The following SCAF4 variants were observed in gnomAD, a reference collection of about 807,000 sequenced individuals.
SCAF4 encodes the protein SR-related CTD associated factor 4.
In SCAF4, 25 loss-of-function variants were observed where a neutral mutation model predicts 129.8. The ratio of observed to expected loss-of-function variants is 0.19; its 90% CI spans 0.14 to 0.27. The LOEUF is 0.27. Among genes scored for constraint, SCAF4 ranks in the 10% least tolerant of loss-of-function variants. SCAF4 has a pLI of 1.00. For missense variants in SCAF4, 1,246 were observed against 1,457.1 expected (o/e 0.86, Z 2.36); for synonymous variants, 551 against 497.7 (o/e 1.11, Z -1.43).
At position 31,731,700 on chromosome 21, in the gene SCAF4, C is replaced by A; in HGVS notation, c.-8G>T. On this transcript the variant is annotated 5_prime_UTR_variant, in exon 1 of 20. Transcript: ENST00000286835. ...GGCGTTGACGGCGTCCATGTTCGCGCTGCGGCGGCGGCTGCTCCGGGCCCG... is the reference window on the plus strand; with the variant it reads ...GGCGTTGACGGCGTCCATGTTCGCGATGCGGCGGCGGCTGCTCCGGGCCCG... The A allele has an allele frequency of 6.3e-7, 1 of 1,582,132 alleles. No homozygotes were observed.
chr21:31,714,786 C>T (rs147543523), intron 1 of SCAF4, among the ~76,000 whole-genome samples: 159 of 152,320 alleles, frequency 1.0e-3, no homozygotes, highest in Non-Finnish European at 1.7e-3. Flanking sequence ...CACCTCACCA[C>T]ATTGTTAGGA....
At chr21:31,706,246 T>G in intron 2 of SCAF4, 28 bp downstream of exon 2, 1 of 1,411,434 alleles carries the variant, frequency 7.1e-7, no homozygotes, top group Admixed American at 2.0e-5. Flanking sequence ...TCAAAAAGAT[T>G]TCTCAAATTG....
intron 19 of SCAF4, among the ~76,000 whole-genome samples, chr21:31,678,325 G>A (rs1019498310): frequency 6.6e-6 from 1 of 152,054 alleles, no homozygotes; most frequent in African/African-American, 2.4e-5. Flanking sequence ...TTCGCATTCC[G>A]TATTTAAGTA....
intron 1 of SCAF4, among the ~76,000 whole-genome samples, chr21:31,708,808 A>C (rs1342081487): frequency 6.6e-6 from 1 of 152,196 alleles, no homozygotes; most frequent in African/African-American, 2.4e-5. Context: ...AACACTTAAG[A>C]CACTGCTATA....
chr21:31,675,883 C>T (rs548222937), intron 19 of SCAF4, among the ~76,000 whole-genome samples: 110 of 152,096 alleles, frequency 7.2e-4, no homozygotes, highest in African/African-American at 2.6e-3. Flanking sequence ...TAAAGGGCTA[C>T]GGGGGAGGTG....
At chr21:31,708,704 T>C (rs1020688767) in intron 1 of SCAF4, among the ~76,000 whole-genome samples, 2 of 152,220 alleles carry the variant, frequency 1.3e-5, no homozygotes, top group Non-Finnish European at 1.5e-5. Flanking sequence ...AACTCTTCAA[T>C]GATTTATGCA....
chr21:31,690,679 G>T, intron 15 of SCAF4, 118 bp downstream of exon 15: 1 of 809,140 alleles, frequency 1.2e-6, no homozygotes. Flanking sequence ...ACTGACACAG[G>T]AGGGATCCTA....
At chr21:31,727,148 G>A (rs892970507) in intron 1 of SCAF4, among the ~76,000 whole-genome samples, 3 of 151,714 alleles carry the variant, frequency 2.0e-5, no homozygotes, top group African/African-American at 7.3e-5. Context: ...GCCCAATCTC[G>A]GTTCACTGCA....
chr21:31,727,386 T>C (rs2051232569), intron 1 of SCAF4, among the ~76,000 whole-genome samples: 1 of 152,216 alleles, frequency 6.6e-6, no homozygotes, highest in Admixed American at 6.5e-5. Flanking sequence ...ACTATTTTTG[T>C]ACTTCAAATG....
intron 19 of SCAF4, among the ~76,000 whole-genome samples, chr21:31,676,919 T>C (rs1194837736): frequency 2.0e-5 from 3 of 152,176 alleles, no homozygotes. Flanking sequence ...TGGGTTTACC[T>C]ATTAACATTC....
intron 9 of SCAF4, 89 bp downstream of exon 9, chr21:31,696,024 T>C (rs987948628): frequency 1.3e-6 from 1 of 777,472 alleles, no homozygotes; most frequent in Admixed American, 2.5e-5. Flanking sequence ...CTTAGCCAAT[T>C]ACATAGCTGC....
At position 31,671,531 on chromosome 21, in the gene SCAF4, G is replaced by C. The variant is rs1199088635; in HGVS notation, c.3312C>G (p.Asp1104Glu). ...EPPISQVGNV[D>E]TASELEKGVS... ...CCCCCTTCTCAAGTTCTGAAGCAGT[G>C]TCTACATTTCCCACTTGGCTAATGG... is the stretch of plus-strand genomic sequence containing the variant. Residue 1104 changes from aspartate to glutamate, a missense_variant, in exon 20 of 20, where the codon GAC becomes GAG. By Grantham distance (45) the Asp-to-Glu change is conservative. Transcript: ENST00000286835. 2 of 1,614,164 alleles carry C rather than the reference G, an allele frequency of 1.2e-6. No homozygotes were observed. The highest frequency in any genetic ancestry group is 4.5e-5 in the East Asian group (2 of 44,882).
chr21:31,699,424 G>GC (rs1360005215), intron 7 of SCAF4, among the ~76,000 whole-genome samples: 2 of 151,024 alleles, frequency 1.3e-5, no homozygotes, highest in Non-Finnish European at 2.9e-5. Context: ...AAACAAGAGT[G>GC]CAAGAATATA....
In SCAF4 at chr21:31,693,431, T is replaced by A. The variant is rs1311380698; in HGVS notation, c.1376A>T (p.His459Leu). 6.4e-7 allele frequency: 1 copy of A among 1,559,000 alleles called. No homozygotes were observed. Among genetic ancestry groups the A allele is most frequent in the South Asian group, 1.2e-5 (1 of 85,304 alleles). The stretch of plus-strand genomic sequence containing the variant: ...CCTGGACCGAGATCGAGAACGTCGA[T>A]GCCGAGACCTTCGAGATCTAGAACC... Reference protein sequence around the residue: ...RSGSRSRRSRHRRSRSRSRDR... With the variant: ...RSGSRSRRSRLRRSRSRSRDR... Residue 459 changes from histidine (H) to leucine (L), a missense_variant, in exon 12 of 20, where the codon CAT becomes CTT. Around this residue, in one of 6 missense-constraint regions of SCAF4, gnomAD observed 468 missense variants for 605.5 expected, o/e 0.77. Transcript: ENST00000286835.
At chr21:31,687,651 T>G (rs953018731) in intron 16 of SCAF4, among the ~76,000 whole-genome samples, 7 of 152,080 alleles carry the variant, frequency 4.6e-5, no homozygotes, top group Non-Finnish European at 1.0e-4. Flanking sequence ...AAAATCCCTG[T>G]CCCTCAAAGC....
chr21:31,718,696 C>T (rs1443716715), intron 1 of SCAF4, among the ~76,000 whole-genome samples: 2 of 152,174 alleles, frequency 1.3e-5, no homozygotes, highest in East Asian at 3.9e-4. Context: ...AAAACAGTTC[C>T]ATCTACTTCT....
In SCAF4 at chr21:31,731,675, G is replaced by A. The variant is rs1250597743; in HGVS notation, c.18C>T (p.Ala6=). The A allele has an allele frequency of 3.2e-6, 5 of 1,585,142 alleles. No individual in the cohort carries two copies. Among genetic ancestry groups the A allele is most frequent in the South Asian group, 1.1e-5 (1 of 88,802 alleles). Residue 6 remains alanine (A), a synonymous_variant, in exon 1 of 20, where the codon GCC becomes GCT. Transcript: ENST00000286835. MDAVN[A]FNQELFSLMD... is the part of the protein sequence containing the mutation. ...AAACACCCCTTACCTCCTGGTTGAA[G>A]GCGTTGACGGCGTCCATGTTCGCGC...
chr21:31,698,179 T>C (rs941774127), intron 7 of SCAF4, among the ~76,000 whole-genome samples: 7 of 152,170 alleles, frequency 4.6e-5, no homozygotes, highest in Admixed American at 4.6e-4. Context: ...AAAATTAAAA[T>C]GGGGTCTACC....
chr21:31,700,087 G>A (rs897063178), intron 7 of SCAF4, among the ~76,000 whole-genome samples: 4 of 151,464 alleles, frequency 2.6e-5, no homozygotes, highest in Non-Finnish European at 5.9e-5. Context: ...CAGCATCCTG[G>A]GTAGCTAGGG....
Sources: allele counts gnomAD v4.1 joint callset (sites outside exome capture counted in the v4.1 genomes callset), GRCh38; gene constraint gnomAD v4.1.1; regional missense constraint gnomAD v4.1.1; transcripts MANE v1.5; gene names NCBI Gene and HGNC (gene_info 2026-07-23, HGNC 2026-07-21).